Variants in NDUFA5 observed in about 807,000 individuals in gnomAD.
NDUFA5 encodes the protein NADH:ubiquinone oxidoreductase subunit A5.
NDUFA5 carries 11 observed loss-of-function variants against 19.8 expected under a neutral mutation model. The ratio of observed to expected loss-of-function variants is 0.56; its 90% CI spans 0.35 to 0.92. The LOEUF (loss-of-function observed/expected upper bound fraction) is 0.92. Among genes scored for constraint, NDUFA5 ranks in the 40% least tolerant of loss-of-function variants. The probability of loss-of-function intolerance (pLI) is 0.01; values close to 1 mark genes in which losing one functional copy is unlikely to be tolerated. For missense variants in NDUFA5, 109 were observed against 134.2 expected, an observed-to-expected ratio of 0.81 and a Z score of 0.93; for synonymous variants, 47 against 46.8, an observed-to-expected ratio of 1.00 and a Z score of -0.01.
chr7:123,583,879 T>A, the NDUFA5 span, among the ~76,000 whole-genome samples: 2 of 151,868 alleles, frequency 1.3e-5, no homozygotes, highest in Non-Finnish European at 2.9e-5. Context: ...GTTTGCCAAA[T>A]CCAATGGTCA....
the NDUFA5 span, among the ~76,000 whole-genome samples, chr7:123,564,332 A>G: frequency 4.6e-5 from 7 of 152,242 alleles, no homozygotes; most frequent in South Asian, 1.0e-3. Context: ...AGCTAGAATA[A>G]TTCTTTTAAA....
rs1797812719 is a variant in NDUFA5, at chr7:123,538,282, G to A, written c.*3837C>T. The A allele has an allele frequency of 6.6e-6, 1 of 152,060 alleles. No homozygotes were observed. Among genetic ancestry groups the A allele is most frequent in the Non-Finnish European group, 1.5e-5 (1 of 68,012 alleles). 9.4% of individuals were successfully genotyped at this position (152,060 alleles called of 1,614,324 possible). ...ATACACTTAAGACACTGGGATTTAAGGATAACCCATGCTAAGTCACTACAT... is the reference window on the plus strand; with the variant it reads ...ATACACTTAAGACACTGGGATTTAAAGATAACCCATGCTAAGTCACTACAT... On this transcript the variant is annotated 3_prime_UTR_variant, in exon 5 of 5. Coordinates refer to ENST00000355749, the MANE Select transcript of NDUFA5 (RefSeq NM_005000.5).
the NDUFA5 span, among the ~76,000 whole-genome samples, chr7:123,575,696 GT>G: frequency 6.6e-6 from 1 of 151,552 alleles, no homozygotes; most frequent in African/African-American, 2.4e-5. Context: ...ATATAAAATT[GT>G]TTGCTTATAT....
intron 4 of NDUFA5, 33 bp from the exon 5 acceptor site, chr7:123,542,253 A>G: frequency 6.7e-7 from 1 of 1,494,364 alleles, no homozygotes; most frequent in Non-Finnish European, 9.2e-7. Flanking sequence ...AGATCATTGG[A>G]TTTTACTCTT....
the NDUFA5 span, among the ~76,000 whole-genome samples, chr7:123,585,914 T>G: frequency 6.6e-6 from 1 of 151,828 alleles, no homozygotes; most frequent in African/African-American, 2.4e-5. Flanking sequence ...GAATTTCTTT[T>G]TTCTTAAGGT....
chr7:123,586,902 T>C, the NDUFA5 span, among the ~76,000 whole-genome samples: 1 of 151,686 alleles, frequency 6.6e-6, no homozygotes, highest in Non-Finnish European at 1.5e-5. Flanking sequence ...TCTTTTGATG[T>C]GTCTGTTTTT....
At chr7:123,549,471 AGAT>A (rs1562895426) in intron 3 of NDUFA5, among the ~76,000 whole-genome samples, 1 of 152,194 alleles carries the variant, frequency 6.6e-6, no homozygotes, top group South Asian at 2.1e-4. Flanking sequence ...GCTATTTGAA[AGAT>A]GATGATAAAA....
At chr7:123,544,764 T>TAAAAAAAAAAAAAAAAAAAAAAAAA (rs61556029) in intron 4 of NDUFA5, among the ~76,000 whole-genome samples, 2 of 61,834 alleles carry the variant, frequency 3.2e-5, no homozygotes, top group Admixed American at 2.0e-4. Context: ...ATGCAAATCT[T>TAAAAAAAAAAAAAAAAAAAAAAAAA]AAAAAAAAAA....
chr7:123,563,108 C>G, the NDUFA5 span, among the ~76,000 whole-genome samples: 2 of 151,978 alleles, frequency 1.3e-5, no homozygotes, highest in African/African-American at 4.8e-5. Flanking sequence ...GCCTGTTTTG[C>G]CTTTTTATCA....
At chr7:123,589,178 C>A in the NDUFA5 span, among the ~76,000 whole-genome samples, 1 of 151,756 alleles carries the variant, frequency 6.6e-6, no homozygotes, top group Non-Finnish European at 1.5e-5. Context: ...TTTCTCCCTT[C>A]AGAACTCTTA....
At chr7:123,601,080 C>T in the NDUFA5 span, among the ~76,000 whole-genome samples, 2 of 152,066 alleles carry the variant, frequency 1.3e-5, no homozygotes, top group African/African-American at 2.4e-5. Flanking sequence ...GGGATAGAGG[C>T]CAGATGGCTT....
chr7:123,586,277 G>A, the NDUFA5 span, among the ~76,000 whole-genome samples: 34 of 151,784 alleles, frequency 2.2e-4, no homozygotes, highest in Non-Finnish European at 3.8e-4. Flanking sequence ...CTTCCTAACA[G>A]GTGTGAAGTG....
At chr7:123,550,285 C>T (rs1798284124) in intron 3 of NDUFA5, 185 bp downstream of exon 3, 2 of 517,974 alleles carry the variant, frequency 3.9e-6, no homozygotes, top group African/African-American at 2.0e-5. Context: ...CAGTATGTAA[C>T]AGAGGCCTGC....
the NDUFA5 span, among the ~76,000 whole-genome samples, chr7:123,578,208 G>A: frequency 1.3e-5 from 2 of 149,550 alleles, no homozygotes; most frequent in East Asian, 3.9e-4. Context: ...ATCTATTACT[G>A]TTTTCACTAT....
In NDUFA5 at chr7:123,541,529, A is replaced by C. The variant is rs1192395617; in HGVS notation, c.*590T>G. On this transcript the variant is annotated 3_prime_UTR_variant, in exon 5 of 5. Transcript: ENST00000355749. The stretch of plus-strand genomic sequence containing the variant: ...AAAACAGAGTAAATGGTATAATTCA[A>C]TAATGACTAAAATAAAATGACACTA... 6.6e-6 allele frequency: 1 copy of C among 152,232 alleles called. No individual in the cohort carries two copies. The highest frequency in any genetic ancestry group is 1.5e-5 in the Non-Finnish European group (1 of 68,022). The allele number at this position is 152,232 out of a possible 1,614,324, so 9.4% of individuals were successfully genotyped here.
the NDUFA5 span, among the ~76,000 whole-genome samples, chr7:123,565,880 G>A: frequency 6.8e-3 from 1,042 of 152,222 alleles, 12 homozygotes; most frequent in African/African-American, 0.024. Context: ...TTAGCCAGGC[G>A]TGGTGGCACG....
chr7:123,563,082 T>C, the NDUFA5 span, among the ~76,000 whole-genome samples: 3 of 152,154 alleles, frequency 2.0e-5, no homozygotes, highest in African/African-American at 7.2e-5. Context: ...GTTACAGGTG[T>C]GAGCCACCGC....
chr7:123,563,777 C>G, the NDUFA5 span, among the ~76,000 whole-genome samples: 2 of 152,070 alleles, frequency 1.3e-5, no homozygotes, highest in Non-Finnish European at 2.9e-5. Context: ...AGCCAGTAGA[C>G]CTACAGGAGG....
intron 2 of NDUFA5, among the ~76,000 whole-genome samples, chr7:123,553,361 C>CTAA (rs1458103230): frequency 6.6e-6 from 1 of 152,166 alleles, no homozygotes; most frequent in Non-Finnish European, 1.5e-5. Context: ...GGGACCTGCC[C>CTAA]TTTATAAAAC....
Sources: allele counts gnomAD v4.1 joint callset (sites outside exome capture counted in the v4.1 genomes callset), GRCh38; gene constraint gnomAD v4.1.1; transcripts MANE v1.5; gene names NCBI Gene and HGNC (gene_info 2026-07-23, HGNC 2026-07-21).